Variants in TRAPPC9 observed in about 807,000 individuals in gnomAD.
The protein encoded by TRAPPC9 is IKK2 binding protein.
TRAPPC9 carries 83 observed loss-of-function variants against 124.0 expected under a neutral mutation model. The ratio of observed to expected loss-of-function variants is 0.67; its 90% confidence interval spans 0.56 to 0.80. The LOEUF (loss-of-function observed/expected upper bound fraction) is 0.80, where lower values mean the gene tolerates loss of function less well. Among genes scored for constraint, TRAPPC9 ranks in the 30% least tolerant of loss-of-function variants. The pLI is 0.00. For synonymous variants in TRAPPC9, 638 were observed against 617.5 expected (o/e 1.03, Z -0.49); for missense variants, 1,302 against 1,508.3 (o/e 0.86, Z 2.27).
chr8:140,242,103 G>A (rs1289037811), intron 16 of TRAPPC9, among the ~76,000 whole-genome samples: 1 of 151,634 alleles, frequency 6.6e-6, no homozygotes, highest in African/African-American at 2.4e-5. Context: ...CCAGGGTACG[G>A]CATGCAAGGG....
chr8:140,292,080 T>C (rs1435150346), intron 11 of TRAPPC9, among the ~76,000 whole-genome samples: 1 of 152,214 alleles, frequency 6.6e-6, no homozygotes, highest in African/African-American at 2.4e-5. Flanking sequence ...ACTGAGTCTG[T>C]GGTCATTTGT....
intron 18 of TRAPPC9, among the ~76,000 whole-genome samples, chr8:140,004,665 G>A (rs1838632147): frequency 6.6e-6 from 1 of 152,154 alleles, no homozygotes; most frequent in Non-Finnish European, 1.5e-5. Context: ...TGTCAGTGGA[G>A]CTGCAAAACC....
upstream of TRAPPC9, chr8:140,458,368 C>T: frequency 1.9e-6 from 3 of 1,595,760 alleles, no homozygotes; most frequent in Non-Finnish European, 1.7e-6. Flanking sequence ...TGGATCCCTG[C>T]GGCACCCCCT....
chr8:140,065,286 A>G (rs1436996825), intron 17 of TRAPPC9, among the ~76,000 whole-genome samples: 1 of 152,246 alleles, frequency 6.6e-6, no homozygotes, highest in Non-Finnish European at 1.5e-5. Context: ...GAAAGAAGTC[A>G]TCTCCATAAC....
chr8:140,058,950 T>C (rs1315953676), intron 17 of TRAPPC9, among the ~76,000 whole-genome samples: 5 of 152,234 alleles, frequency 3.3e-5, no homozygotes, highest in South Asian at 2.1e-4. Flanking sequence ...TTCTGCGTTG[T>C]TGCTGCTGCT....
intron 8 of TRAPPC9, among the ~76,000 whole-genome samples, chr8:140,364,317 C>G (rs1345437409): frequency 7.2e-6 from 1 of 138,092 alleles, no homozygotes; most frequent in Non-Finnish European, 1.5e-5. Flanking sequence ...AAAAAAGGAA[C>G]CGAAAAGCAA....
intron 19 of TRAPPC9, among the ~76,000 whole-genome samples, chr8:139,980,963 G>A (rs1836854581): frequency 6.6e-6 from 1 of 152,252 alleles, no homozygotes. Context: ...GGCGCGTGGT[G>A]TGTGGAAAGC....
At chr8:140,306,195 G>T (rs1271003459) in intron 10 of TRAPPC9, among the ~76,000 whole-genome samples, 1 of 152,048 alleles carries the variant, frequency 6.6e-6, no homozygotes, top group Non-Finnish European at 1.5e-5. Context: ...AAAAGTGCTG[G>T]AGGCTAAAGA....
intron 13 of TRAPPC9, among the ~76,000 whole-genome samples, chr8:140,286,889 G>A (rs2065499010): frequency 6.6e-6 from 1 of 152,078 alleles, no homozygotes; most frequent in Non-Finnish European, 1.5e-5. Flanking sequence ...GAGTTAACAG[G>A]GCCAGGGAAC....
At chr8:140,444,690 C>CCCA (rs925834190) in intron 2 of TRAPPC9, among the ~76,000 whole-genome samples, 78 of 151,354 alleles carry the variant, frequency 5.2e-4, no homozygotes, top group Non-Finnish European at 3.2e-4. Flanking sequence ...GTGAGACCCC[C>CCCA]CCCATCTCTA....
chr8:140,424,974 T>C (rs1351098683), intron 5 of TRAPPC9, among the ~76,000 whole-genome samples: 1 of 152,218 alleles, frequency 6.6e-6, no homozygotes, highest in East Asian at 1.9e-4. Context: ...TTCCGGGAGC[T>C]GAACAATTTT....
intron 11 of TRAPPC9, among the ~76,000 whole-genome samples, chr8:140,296,369 A>G (rs1021654663): frequency 6.6e-6 from 1 of 152,230 alleles, no homozygotes; most frequent in East Asian, 1.9e-4. Flanking sequence ...GGCTCAGGTG[A>G]TTCTCCCACC....
chr8:140,053,697 C>T (rs548293342), intron 17 of TRAPPC9, among the ~76,000 whole-genome samples: 4 of 152,272 alleles, frequency 2.6e-5, no homozygotes, highest in African/African-American at 7.2e-5. Flanking sequence ...GTCTTTTTCT[C>T]CCTTTAGTCA....
At chr8:140,132,213 C>T (rs2061220614) in intron 17 of TRAPPC9, among the ~76,000 whole-genome samples, 1 of 152,166 alleles carries the variant, frequency 6.6e-6, no homozygotes, top group African/African-American at 2.4e-5. Flanking sequence ...CACAGTCCTC[C>T]GTCCAAAGGC....
chr8:139,777,687 T>C (rs967570837), intron 21 of TRAPPC9, among the ~76,000 whole-genome samples: 4 of 152,192 alleles, frequency 2.6e-5, no homozygotes, highest in Non-Finnish European at 4.4e-5. Context: ...GTAACAAGGA[T>C]AGATTTACCC....
In TRAPPC9 at chr8:139,855,631, G is replaced by A. The variant is rs1036044516; in HGVS notation, c.3055+30248C>T. On this transcript the variant is annotated intron_variant, in intron 21 of 22. Transcript: ENST00000438773. The stretch of plus-strand genomic sequence containing the variant: ...TCCCCTGTTTACGCTCTTCAGGGGA[G>A]TCTTATGCGGTCAGCCCAGGCCCTG... 2.6e-5 allele frequency among the ~76,000 whole-genome samples: 4 copies of A among 152,326 alleles called. No individual in the cohort carries two copies. In the East Asian group the frequency reaches 7.7e-4, roughly 29 times the overall value.
rs1472974655 is a variant in TRAPPC9, at chr8:139,788,480, G to A, written c.3056-56278C>T. The stretch of plus-strand genomic sequence containing the variant: ...GGATCCCAGCCTGGCCCTTCCTGGT[G>A]CCAGCACCCTCCAGGCACAGCCAGC... On this transcript the variant is annotated intron_variant, in intron 21 of 22. Coordinates refer to ENST00000438773, the MANE Select transcript of TRAPPC9 (RefSeq NM_001160372.4). This position sits in a 1 kb window ranked among gnomAD's most constrained non-coding sequence, Gnocchi z 4.9. Among the ~76,000 whole-genome samples, 1 of 152,210 alleles carries A rather than the reference G, an allele frequency of 6.6e-6. No homozygotes were observed. The highest frequency in any genetic ancestry group is 1.5e-5 in the Non-Finnish European group (1 of 68,036).
At chr8:140,098,625 C>T (rs75462849) in intron 17 of TRAPPC9, 1 of 151,710 alleles carries the variant, frequency 6.6e-6, no homozygotes, top group African/African-American at 2.4e-5. Context: ...GTGGGGACAC[C>T]CAGTTAGGTC....
chr8:140,042,389 C>G (rs954498717), intron 17 of TRAPPC9, among the ~76,000 whole-genome samples: 1 of 152,182 alleles, frequency 6.6e-6, no homozygotes, highest in Non-Finnish European at 1.5e-5. Flanking sequence ...GACTTTAAAA[C>G]AATCATTCAA....
Sources: gnomAD v4.1 joint callset for allele counts (sites outside exome capture counted in the v4.1 genomes callset) on GRCh38, gnomAD v4.1.1 for gene constraint, Gnocchi (gnomAD v3.1) non-coding constraint, MANE v1.5 for transcripts, NCBI Gene and HGNC (gene_info 2026-07-23, HGNC 2026-07-21) for gene names.